Variants in PCBP3 observed in about 807,000 individuals in gnomAD.
PCBP3 encodes the protein poly(rC)-binding protein 3.
In PCBP3, 25 loss-of-function variants were observed where a neutral mutation model predicts 52.7. The ratio of observed to expected loss-of-function variants is 0.47; its 90% CI spans 0.35 to 0.66. PCBP3 has a LOEUF of 0.66. Ranked by LOEUF, PCBP3 falls within the 30% of genes least tolerant of loss-of-function variation. PCBP3 has a pLI of 0.01. For synonymous variants in PCBP3, 162 were observed against 183.0 expected (o/e 0.89, Z 0.93); for missense variants, 391 against 490.3 (o/e 0.80, Z 1.91).
Position 45,878,352 on chromosome 21 carries a change from G to A in PCBP3, c.11-17856G>A, listed in dbSNP as rs116243204. Among the ~76,000 whole-genome samples the A allele has an allele frequency of 4.5e-3, 683 of 152,396 alleles. 5 individuals are homozygous for A. The highest frequency in any genetic ancestry group is 0.016 in the African/African-American group (652 of 41,598). On this transcript the variant is annotated intron_variant, in intron 5 of 17. Transcript: ENST00000681687. Reference sequence around the variant, plus strand: ...TCTGCCTCTTGGCCTTAGACAGGATGCAAGTGCAGTAAGTTTCTGGCACTG... The same window carrying A: ...TCTGCCTCTTGGCCTTAGACAGGATACAAGTGCAGTAAGTTTCTGGCACTG...
chr21:45,738,258 T>G (rs1018658351), intron 3 of PCBP3, among the ~76,000 whole-genome samples: 1 of 124,604 alleles, frequency 8.0e-6, no homozygotes, highest in Non-Finnish European at 1.6e-5. Flanking sequence ...CTTCTTAGAG[T>G]TTTTTTTTTT....
In PCBP3 at chr21:45,901,009, A is replaced by G. The variant is rs781025912; in HGVS notation, c.235A>G (p.Ile79Val). Reference protein sequence around the residue: ...KKMREESGARINISEGNCPER... With the variant: ...KKMREESGARVNISEGNCPER... ...GCTCTCACCTTAGAGTGGTGCAAGG[A>G]TCAACATCTCAGAGGGAAACTGCCC... Residue 79 changes from isoleucine (I) to valine (V), a missense_variant, in exon 9 of 18, where the codon ATC becomes GTC. Coordinates refer to ENST00000681687, the MANE Select transcript of PCBP3 (RefSeq NM_001384156.1). The G allele has an allele frequency of 6.2e-7, 1 of 1,613,458 alleles. No homozygotes were observed. The highest frequency in any genetic ancestry group is 1.1e-5 in the South Asian group (1 of 91,076).
intron 4 of PCBP3, among the ~76,000 whole-genome samples, chr21:45,841,388 AT>A (rs1942631692): frequency 7.4e-6 from 1 of 134,890 alleles, no homozygotes; most frequent in Non-Finnish European, 1.6e-5. Context: ...TTACTCTTAC[AT>A]TTCTTCTACT....
At chr21:45,716,292 G>A (rs1159570335) in intron 2 of PCBP3, among the ~76,000 whole-genome samples, 2 of 152,050 alleles carry the variant, frequency 1.3e-5, no homozygotes, top group East Asian at 3.9e-4. Flanking sequence ...TAAATGTAAG[G>A]GTTAATTTGT....
At chr21:45,747,510 G>A (rs949388908) in intron 3 of PCBP3, among the ~76,000 whole-genome samples, 3 of 152,240 alleles carry the variant, frequency 2.0e-5, no homozygotes, top group African/African-American at 4.8e-5. Flanking sequence ...ACAGTGGGGC[G>A]GTTCCAGCCC....
At chr21:45,729,450 T>C (rs1210288159) in intron 2 of PCBP3, among the ~76,000 whole-genome samples, 1 of 152,188 alleles carries the variant, frequency 6.6e-6, no homozygotes, top group Non-Finnish European at 1.5e-5. Context: ...ATTCTATGTT[T>C]AACTTTTTGA....
At position 45,707,048 on chromosome 21, in the gene PCBP3, A is replaced by G. The variant is rs140534567; in HGVS notation, c.-199-28344A>G. Among the ~76,000 whole-genome samples the G allele has an allele frequency of 3.6e-3, 554 of 152,244 alleles. 2 individuals carry two copies. Among genetic ancestry groups the G allele is most frequent in the African/African-American group, 0.013 (536 of 41,536 alleles). On this transcript the variant is annotated intron_variant, in intron 2 of 17. Transcript: ENST00000681687. ...TAAGGTCAGCTTCTGCTTGCTCTTC[A>G]TGCTGACTGAGTGTGCACGTACATT...
chr21:45,772,577 C>T (rs1049925357), intron 4 of PCBP3, among the ~76,000 whole-genome samples: 2 of 152,116 alleles, frequency 1.3e-5, no homozygotes, highest in African/African-American at 4.8e-5. Flanking sequence ...TGGGTAGATA[C>T]CCAGTAGTGG....
chr21:45,898,797 C>T (rs555171646), intron 6 of PCBP3, among the ~76,000 whole-genome samples: 2 of 118,928 alleles, frequency 1.7e-5, no homozygotes, highest in East Asian at 2.5e-4. Flanking sequence ...GCCGTCCTCA[C>T]GGCCTCCCTC....
At chr21:45,669,985 A>T in intron 2 of PCBP3, among the ~76,000 whole-genome samples, 1 of 151,756 alleles carries the variant, frequency 6.6e-6, no homozygotes, top group South Asian at 2.1e-4. Flanking sequence ...ATACCTAGAA[A>T]TGGAATTACT....
Position 45,904,315 on chromosome 21 carries a change from C to A in PCBP3, c.339+3202C>A, listed in dbSNP as rs2839046. Among the ~76,000 whole-genome samples, 50,095 of 151,836 alleles carry A rather than the reference C, an allele frequency of 0.33. 9,198 individuals carry two copies. The highest frequency in any genetic ancestry group is 0.68 in the East Asian group (3,487 of 5,158). The stretch of plus-strand genomic sequence containing the variant: ...GCCAAGGAAGCTCGAGGGATTCGGA[C>A]AGTTTTCATCTTTTGGTCCTTCGGT... On this transcript the variant is annotated intron_variant, in intron 9 of 17. Coordinates refer to ENST00000681687, the MANE Select transcript of PCBP3 (RefSeq NM_001384156.1). This position sits in a 1 kb window ranked among gnomAD's most constrained non-coding sequence, Gnocchi z 4.8.
intron 9 of PCBP3, among the ~76,000 whole-genome samples, chr21:45,907,066 G>A (rs2096229472): frequency 1.3e-5 from 2 of 152,232 alleles, no homozygotes; most frequent in South Asian, 2.1e-4. Flanking sequence ...GAGGCCGGCC[G>A]CCCGTTCCTT....
At chr21:45,939,913 T>A in intron 16 of PCBP3, 117 bp from the exon 17 acceptor site, 1 of 900,048 alleles carries the variant, frequency 1.1e-6, no homozygotes, top group Non-Finnish European at 1.7e-6. Context: ...GCTCAGGTCT[T>A]GGGGCAGAGT....
At chr21:45,935,450 C>T (rs762538395) in intron 16 of PCBP3, 145 bp downstream of exon 16, 1 of 711,178 alleles carries the variant, frequency 1.4e-6, no homozygotes, top group African/African-American at 1.7e-5. Flanking sequence ...CTGTGTCCTC[C>T]CTCCTTTCCT....
chr21:45,702,611 A>T (rs1383996846), intron 2 of PCBP3, among the ~76,000 whole-genome samples: 1 of 152,246 alleles, frequency 6.6e-6, no homozygotes, highest in East Asian at 1.9e-4. Context: ...GCTAATAATC[A>T]TCTGAGCCTT....
chr21:45,718,288 A>G (rs749442853), intron 2 of PCBP3, among the ~76,000 whole-genome samples: 5 of 146,090 alleles, frequency 3.4e-5, no homozygotes, highest in South Asian at 2.2e-4. Flanking sequence ...TTTGTTTTCT[A>G]TTCTGTTTAA....
intron 9 of PCBP3, chr21:45,901,728 GAGAGAGAGAGACAGAA>G (rs1267963524): frequency 7.9e-5 from 12 of 151,270 alleles, no homozygotes; most frequent in Non-Finnish European, 7.3e-5. Flanking sequence ...AGAGAGATGA[GAGAGAGAGAGACAGAA>G]AGAGAGAGAG....
intron 5 of PCBP3, among the ~76,000 whole-genome samples, chr21:45,865,810 G>A (rs1018633547): frequency 2.0e-5 from 3 of 152,172 alleles, no homozygotes; most frequent in African/African-American, 7.2e-5. Flanking sequence ...CCAGGACCTC[G>A]GCAGGGCAGG....
At chr21:45,700,191 G>A (rs764963774) in intron 2 of PCBP3, among the ~76,000 whole-genome samples, 29 of 152,158 alleles carry the variant, frequency 1.9e-4, no homozygotes, top group Non-Finnish European at 1.5e-5. Context: ...ATCTAAACCA[G>A]ATGATTTCTC....
Sources: allele counts gnomAD v4.1 joint callset (sites outside exome capture counted in the v4.1 genomes callset), GRCh38; gene constraint gnomAD v4.1.1; non-coding constraint Gnocchi (gnomAD v3.1); transcripts MANE v1.5; gene names NCBI Gene and HGNC (gene_info 2026-07-23, HGNC 2026-07-21).